PRDM16: variants seen among roughly 807,000 people sequenced by gnomAD.
PRDM16 encodes histone-lysine N-methyltransferase PRDM16.
In PRDM16, 23 loss-of-function variants were observed where a neutral mutation model predicts 110.6. The observed-to-expected ratio is 0.21, with a 90% CI of 0.15 to 0.29. PRDM16 has a LOEUF of 0.29. PRDM16 is among the 10% of genes least tolerant of loss of function. The pLI, the probability that PRDM16 is intolerant of heterozygous loss-of-function variation, is 1.00. For missense variants in PRDM16, 1,615 were observed against 1,794.3 expected (o/e 0.90, Z 1.81); for synonymous variants, 799 against 781.8 (o/e 1.02, Z -0.37).
At chr1:3,218,099 G>C (rs978806152) in intron 2 of PRDM16, among the ~76,000 whole-genome samples, 1 of 152,204 alleles carries the variant, frequency 6.6e-6, no homozygotes, top group Non-Finnish European at 1.5e-5. Context: ...CACTATTGTC[G>C]TGGCCAAGTG....
At chr1:3,375,746 G>A (rs955159790) in intron 3 of PRDM16, among the ~76,000 whole-genome samples, 5 of 152,348 alleles carry the variant, frequency 3.3e-5, no homozygotes, top group East Asian at 3.9e-4. Flanking sequence ...AGAAGCTTGG[G>A]CACTGCGCAC....
chr1:3,402,110 G>A (rs1236628380), intron 5 of PRDM16, among the ~76,000 whole-genome samples: 1 of 152,208 alleles, frequency 6.6e-6, no homozygotes, highest in Non-Finnish European at 1.5e-5. Flanking sequence ...TCACACACTG[G>A]TGCACACACC....
intron 3 of PRDM16, among the ~76,000 whole-genome samples, chr1:3,362,712 C>T (rs879119308): frequency 1.2e-4 from 18 of 152,192 alleles, no homozygotes; most frequent in African/African-American, 3.4e-4. Flanking sequence ...AGTTGGAGCC[C>T]TCTTGAGGCT....
chr1:3,432,323 C>G (rs1416651321), intron 16 of PRDM16, among the ~76,000 whole-genome samples, 183 bp downstream of exon 16: 1 of 152,216 alleles, frequency 6.6e-6, no homozygotes, highest in East Asian at 1.9e-4. Context: ...TGGGGCGCAG[C>G]AGGGAGGGGC....
intron 3 of PRDM16, among the ~76,000 whole-genome samples, chr1:3,267,616 C>T (rs2100272924): frequency 6.6e-6 from 1 of 152,340 alleles, no homozygotes; most frequent in Admixed American, 6.5e-5. Context: ...CCCGGGGTGC[C>T]TGTGTTCGTT....
chr1:3,131,942 C>T (rs1643343844), intron 1 of PRDM16, among the ~76,000 whole-genome samples: 1 of 152,172 alleles, frequency 6.6e-6, no homozygotes, highest in Non-Finnish European at 1.5e-5. Context: ...AATGCTAGTC[C>T]GTTTAATATG....
rs1180760091 is a variant in PRDM16 at position 3,438,335 on chromosome 1, A to G, written c.*4524A>G. The G allele has an allele frequency of 4.9e-6, 1 of 202,160 alleles. No individual in the cohort carries two copies. Among genetic ancestry groups the G allele is most frequent in the Non-Finnish European group, 1.0e-5 (1 of 98,318 alleles). The allele number at this position is 202,160 out of a possible 1,614,324, so 12.5% of individuals were successfully genotyped here. On this transcript the variant is annotated 3_prime_UTR_variant, in exon 17 of 17. Transcript: ENST00000270722. Reference sequence around the variant, plus strand: ...CTAGGAGTCCTGAACTGCTGACGCGAAAGAGGCGCAGTTCCCAATTAATAC... The same window carrying G: ...CTAGGAGTCCTGAACTGCTGACGCGGAAGAGGCGCAGTTCCCAATTAATAC...
intron 3 of PRDM16, among the ~76,000 whole-genome samples, chr1:3,254,096 T>C (rs1639998068): frequency 6.6e-6 from 1 of 152,212 alleles, no homozygotes; most frequent in Admixed American, 6.5e-5. Flanking sequence ...ATTGTAGATT[T>C]TGGATATTAG....
intron 3 of PRDM16, among the ~76,000 whole-genome samples, chr1:3,254,605 T>G (rs1004458617): frequency 6.6e-6 from 1 of 152,168 alleles, no homozygotes; most frequent in African/African-American, 2.4e-5. Flanking sequence ...ACAAGGGACA[T>G]GAAGGACCTC....
intron 3 of PRDM16, among the ~76,000 whole-genome samples, chr1:3,247,273 A>G (rs1639809847): frequency 2.0e-5 from 3 of 152,210 alleles, no homozygotes; most frequent in African/African-American, 7.2e-5. Context: ...AATTAATTCA[A>G]TCAGCAGCTT....
intron 1 of PRDM16, among the ~76,000 whole-genome samples, chr1:3,115,317 C>T (rs1352251881): frequency 6.6e-6 from 1 of 152,238 alleles, no homozygotes; most frequent in African/African-American, 2.4e-5. Context: ...AATGTGGTGG[C>T]CCCATCAGCG....
chr1:3,220,147 G>A (rs780726742), intron 2 of PRDM16, among the ~76,000 whole-genome samples: 73 of 152,104 alleles, frequency 4.8e-4, no homozygotes, highest in Non-Finnish European at 5.0e-4. Context: ...CACACGCGCC[G>A]GGAGGAATGC....
intron 3 of PRDM16, among the ~76,000 whole-genome samples, chr1:3,337,365 G>A (rs1250582016): frequency 2.0e-5 from 3 of 152,206 alleles, no homozygotes; most frequent in African/African-American, 7.2e-5. Context: ...CATCCCCACC[G>A]CTTCCTCCAT....
At chr1:3,349,859 CCG>C in intron 3 of PRDM16, among the ~76,000 whole-genome samples, 1 of 152,328 alleles carries the variant, frequency 6.6e-6, no homozygotes, top group South Asian at 2.1e-4. Context: ...TCCGCAGCCC[CCG>C]CAGCCTCCAA....
At chr1:3,104,709 G>C (rs572902370) in intron 1 of PRDM16, among the ~76,000 whole-genome samples, 61 of 152,158 alleles carry the variant, frequency 4.0e-4, no homozygotes, top group African/African-American at 1.4e-3. Flanking sequence ...CAAACCCCTA[G>C]TGAAGTCTTC....
chr1:3,168,511 T>C (rs1643987809), intron 1 of PRDM16, among the ~76,000 whole-genome samples: 2 of 150,054 alleles, frequency 1.3e-5, no homozygotes, highest in Admixed American at 1.3e-4. Context: ...AATCAGGAAA[T>C]TTGCTGAGGC....
chr1:3,329,473 G>A (rs1641998056), intron 3 of PRDM16, among the ~76,000 whole-genome samples: 1 of 152,178 alleles, frequency 6.6e-6, no homozygotes, highest in Non-Finnish European at 1.5e-5. Context: ...CTCCCAGGCT[G>A]TAGTGTCGGG....
At chr1:3,301,774 CACAGGG>C (rs1641213720) in intron 3 of PRDM16, among the ~76,000 whole-genome samples, 2 of 152,226 alleles carry the variant, frequency 1.3e-5, no homozygotes, top group East Asian at 3.9e-4. Flanking sequence ...TACCCAGGCA[CACAGGG>C]GCACACACCA....
At position 3,157,688 on chromosome 1, in the gene PRDM16, T is replaced by G. The variant is rs545359587; in HGVS notation, c.38-28437T>G. ...AGAAAGTTCCCAGATTCGCACCTGC[T>G]GGACTGGGAGGCGTCTCAGCAAATA... On this transcript the variant is annotated intron_variant, in intron 1 of 16. Coordinates refer to ENST00000270722, the MANE Select transcript of PRDM16 (RefSeq NM_022114.4). This position sits in a 1 kb window ranked among gnomAD's most constrained non-coding sequence, Gnocchi z 4.8. Among the ~76,000 whole-genome samples the G allele has an allele frequency of 4.7e-4, 71 of 152,276 alleles. No homozygotes were observed. Among genetic ancestry groups the G allele is most frequent in the Non-Finnish European group, 2.2e-4 (15 of 68,036 alleles).
Sources: gnomAD v4.1 joint callset for allele counts (sites outside exome capture counted in the v4.1 genomes callset) on GRCh38, gnomAD v4.1.1 for gene constraint, Gnocchi (gnomAD v3.1) non-coding constraint, MANE v1.5 for transcripts, NCBI Gene and HGNC (gene_info 2026-07-23, HGNC 2026-07-21) for gene names.